Variants in CARMIL1 observed in about 807,000 individuals in gnomAD.
The protein encoded by CARMIL1 is capping protein regulator and myosin 1 linker 1, also known as F-actin-uncapping protein LRRC16A.
CARMIL1 carries 90 observed loss-of-function variants against 177.1 expected under a neutral mutation model. That is an observed-to-expected ratio of 0.51 (90% CI 0.43 to 0.61). The LOEUF is 0.61. CARMIL1 is among the 20% of genes least tolerant of loss of function. The pLI is 0.00. For missense variants in CARMIL1, 1,380 were observed against 1,667.0 expected (o/e 0.83, Z 3.00); for synonymous variants, 577 against 606.2 (o/e 0.95, Z 0.71).
intron 23 of CARMIL1, among the ~76,000 whole-genome samples, chr6:25,521,786 A>T (rs1222415054): frequency 2.0e-5 from 3 of 151,622 alleles, no homozygotes; most frequent in African/African-American, 4.8e-5. Context: ...AAAAAAAAAA[A>T]AGAATGTAAG....
At chr6:25,405,976 A>G (rs1034585781) in intron 2 of CARMIL1, among the ~76,000 whole-genome samples, 9 of 152,222 alleles carry the variant, frequency 5.9e-5, no homozygotes, top group Non-Finnish European at 1.3e-4. Flanking sequence ...AACCTGTTGC[A>G]TTCATTCACT....
At chr6:25,438,418 A>G (rs1022120484) in intron 5 of CARMIL1, among the ~76,000 whole-genome samples, 1 of 152,236 alleles carries the variant, frequency 6.6e-6, no homozygotes, top group Non-Finnish European at 1.5e-5. Context: ...AAATCAAGTA[A>G]CAGTACCTTT....
At chr6:25,462,782 C>T (rs1476484567) in intron 8 of CARMIL1, among the ~76,000 whole-genome samples, 2 of 152,170 alleles carry the variant, frequency 1.3e-5, no homozygotes, top group South Asian at 2.1e-4. Flanking sequence ...GCAAGTCTCT[C>T]GTCTTTCGTT....
chr6:25,279,851 T>G lies in CARMIL1; in HGVS notation c.40+16T>G. 4 of 1,613,428 alleles carry G rather than the reference T, an allele frequency of 2.5e-6. No homozygotes were observed. Among genetic ancestry groups the G allele is most frequent in the Non-Finnish European group, 3.4e-6 (4 of 1,179,696 alleles). On this transcript the variant is annotated intron_variant, in intron 1 of 36. Coordinates refer to ENST00000329474, the MANE Select transcript of CARMIL1 (RefSeq NM_017640.6). ...GAGTTGATAGGTAAGATTCACGCGG[T>G]TGTTGGTTTTCCACCTTCCTCTGCG...
intron 5 of CARMIL1, among the ~76,000 whole-genome samples, chr6:25,443,524 G>T (rs1342969140): frequency 6.6e-6 from 1 of 152,136 alleles, no homozygotes; most frequent in Admixed American, 6.5e-5. Flanking sequence ...TACCTTGGAG[G>T]TACTATGGGT....
At chr6:25,580,765 T>C (rs1813048830) in intron 29 of CARMIL1, among the ~76,000 whole-genome samples, 159 bp from the exon 30 acceptor site, 1 of 152,228 alleles carries the variant, frequency 6.6e-6, no homozygotes, top group African/African-American at 2.4e-5. Context: ...TGTAAACATT[T>C]AGAAATAGTT....
intron 2 of CARMIL1, among the ~76,000 whole-genome samples, chr6:25,398,607 A>C (rs76417249): frequency 6.6e-6 from 1 of 152,332 alleles, no homozygotes; most frequent in East Asian, 1.9e-4. Context: ...CAGGCTAGCT[A>C]TGTGCTGGCT....
Position 25,509,833 on chromosome 6 carries a change from T to A in CARMIL1, c.1477+96T>A. Reference sequence around the variant, plus strand: ...TTCTACCCAAATCCAAACAATAGCTTAATAAAAAAATTGTTTTTTATTTTT... The same window carrying A: ...TTCTACCCAAATCCAAACAATAGCTAAATAAAAAAATTGTTTTTTATTTTT... On this transcript the variant is annotated intron_variant, in intron 18 of 36. Coordinates refer to ENST00000329474, the MANE Select transcript of CARMIL1 (RefSeq NM_017640.6). The surrounding 1 kb of genome is among the most constrained non-coding windows in gnomAD (Gnocchi z 4.1). 1.2e-6 allele frequency: 1 copy of A among 810,816 alleles called. No individual in the cohort carries two copies. Among genetic ancestry groups the A allele is most frequent in the Non-Finnish European group, 2.0e-6 (1 of 512,186 alleles). 50.2% of individuals were successfully genotyped at this position (810,816 alleles called of 1,614,324 possible).
intron 33 of CARMIL1, among the ~76,000 whole-genome samples, chr6:25,602,500 C>T (rs946518945): frequency 8.5e-5 from 13 of 152,140 alleles, no homozygotes; most frequent in African/African-American, 2.9e-4. Context: ...ATATATAAAT[C>T]GACTTAAAGT....
intron 15 of CARMIL1, 120 bp downstream of exon 15, chr6:25,492,144 G>A (rs1803305079): frequency 1.5e-5 from 11 of 754,504 alleles, no homozygotes; most frequent in Admixed American, 2.8e-5. Flanking sequence ...GCAGCCTTAA[G>A]CATTATCTAT....
intron 2 of CARMIL1, among the ~76,000 whole-genome samples, chr6:25,380,291 A>G (rs1267154642): frequency 2.0e-5 from 3 of 152,224 alleles, no homozygotes; most frequent in Non-Finnish European, 4.4e-5. Flanking sequence ...TTTTACTCTA[A>G]AGGGCCAGAT....
At chr6:25,571,082 T>C (rs1812027624) in intron 29 of CARMIL1, among the ~76,000 whole-genome samples, 1 of 152,226 alleles carries the variant, frequency 6.6e-6, no homozygotes, top group Non-Finnish European at 1.5e-5. Context: ...TAAAAGTCAA[T>C]TAAAAATTAC....
intron 11 of CARMIL1, among the ~76,000 whole-genome samples, chr6:25,478,309 G>T (rs910613564): frequency 1.9e-4 from 29 of 151,958 alleles, no homozygotes; most frequent in African/African-American, 6.3e-4. Context: ...TCCCAGAGTC[G>T]AAACACATGG....
Position 25,619,532 on chromosome 6 carries a change from C to A in CARMIL1, c.4065C>A (p.Ser1355Arg), listed in dbSNP as rs745391627. 62 of 1,613,742 alleles carry A rather than the reference C, an allele frequency of 3.8e-5. No homozygotes were observed. Among genetic ancestry groups the A allele is most frequent in the Admixed American group, 2.2e-4 (13 of 60,004 alleles). ...CCAGTAAAGATGGCCATCAAGGCAG[C>A]AAATCTAATGACTCCGGGGAAGAAG... The part of the protein sequence containing the change: ...RSSSKDGHQG[S>R]KSNDSGEEAE... Residue 1355 changes from serine (S) to arginine (R), a missense_variant, in exon 37 of 37, where the codon AGC becomes AGA. By Grantham distance (110) the Ser-to-Arg change is moderately radical. Coordinates refer to ENST00000329474, the MANE Select transcript of CARMIL1 (RefSeq NM_017640.6).
At chr6:25,346,423 C>T (rs977169881) in intron 2 of CARMIL1, among the ~76,000 whole-genome samples, 2 of 152,226 alleles carry the variant, frequency 1.3e-5, no homozygotes, top group Non-Finnish European at 2.9e-5. Flanking sequence ...TCACTTCCTT[C>T]AGGTCTTTCT....
intron 2 of CARMIL1, among the ~76,000 whole-genome samples, chr6:25,319,966 T>C (rs1442664545): frequency 6.6e-6 from 1 of 152,140 alleles, no homozygotes; most frequent in Non-Finnish European, 1.5e-5. Context: ...ACCCTGCCTA[T>C]GAAGAAAACT....
At chr6:25,375,013 A>T (rs917483333) in intron 2 of CARMIL1, among the ~76,000 whole-genome samples, 4 of 152,210 alleles carry the variant, frequency 2.6e-5, no homozygotes, top group African/African-American at 9.7e-5. Flanking sequence ...TAATCTCAAG[A>T]TGCAAGGTAC....
At chr6:25,423,060 G>A (rs1269189024) in intron 3 of CARMIL1, among the ~76,000 whole-genome samples, 1 of 152,140 alleles carries the variant, frequency 6.6e-6, no homozygotes, top group African/African-American at 2.4e-5. Context: ...GAGAAGGCTG[G>A]TTTTCATGTG....
chr6:25,292,553 C>A (rs537354996), intron 2 of CARMIL1, among the ~76,000 whole-genome samples: 21 of 152,148 alleles, frequency 1.4e-4, no homozygotes, highest in Non-Finnish European at 3.1e-4. Flanking sequence ...TTTCAGGAGG[C>A]AGTTCTGGCT....
Sources: allele counts gnomAD v4.1 joint callset (sites outside exome capture counted in the v4.1 genomes callset), GRCh38; gene constraint gnomAD v4.1.1; non-coding constraint Gnocchi (gnomAD v3.1); transcripts MANE v1.5; gene names NCBI Gene and HGNC (gene_info 2026-07-23, HGNC 2026-07-21).